UNC13C: variants seen among roughly 807,000 people sequenced by gnomAD.
The protein encoded by UNC13C is protein unc-13 homolog C.
A neutral mutation model predicts 245.4 loss-of-function variants in UNC13C; 174 were observed. The observed-to-expected ratio is 0.71, with a 90% CI of 0.63 to 0.80. The LOEUF is 0.80. Among genes scored for constraint, UNC13C ranks in the 30% least tolerant of loss-of-function variants. The pLI is 0.00. For missense variants in UNC13C, 2,829 were observed against 2,602.9 expected, an observed-to-expected ratio of 1.09 and a Z score of -1.89; for synonymous variants, 992 against 895.1, an observed-to-expected ratio of 1.11 and a Z score of -1.93.
At chr15:54,202,390 G>A (rs1319525509) in intron 4 of UNC13C, among the ~76,000 whole-genome samples, 2 of 151,858 alleles carry the variant, frequency 1.3e-5, no homozygotes, top group Non-Finnish European at 2.9e-5. Context: ...GAACAAATAT[G>A]GAGGCATCAC....
intron 2 of UNC13C, among the ~76,000 whole-genome samples, chr15:54,094,702 C>A (rs533780711): frequency 6.6e-6 from 1 of 152,090 alleles, no homozygotes; most frequent in Non-Finnish European, 1.5e-5. Flanking sequence ...TCAATTAAAG[C>A]GCTCACTCCT....
chr15:54,439,003 T>G (rs1890374352), intron 19 of UNC13C, among the ~76,000 whole-genome samples: 1 of 152,008 alleles, frequency 6.6e-6, no homozygotes, highest in Non-Finnish European at 1.5e-5. Context: ...CTTAAGTATC[T>G]GGTTCTCTTA....
the UNC13C span, among the ~76,000 whole-genome samples, chr15:53,965,343 A>T: frequency 6.6e-6 from 1 of 152,050 alleles, no homozygotes; most frequent in Non-Finnish European, 1.5e-5. Flanking sequence ...ACCCTTAAAC[A>T]TTTGAACTCT....
intron 19 of UNC13C, among the ~76,000 whole-genome samples, chr15:54,421,177 T>G (rs1194375459): frequency 6.6e-6 from 1 of 151,994 alleles, no homozygotes; most frequent in Non-Finnish European, 1.5e-5. Flanking sequence ...TGCAATTGAA[T>G]GGAAGAGCCA....
chr15:54,174,809 T>C lies in UNC13C; in HGVS notation c.3071+31125T>C, dbSNP rs193176328. ...CGTTTCCTTTTCCAGCTGTGAACAA[T>C]TTGGGTCATGTACTGATTAAAGCAG... On this transcript the variant is annotated intron_variant, in intron 4 of 32. Coordinates refer to ENST00000260323, the MANE Select transcript of UNC13C (RefSeq NM_001080534.3). Among the ~76,000 whole-genome samples, 736 of 152,326 alleles carry C rather than the reference T, an allele frequency of 4.8e-3. 4 individuals are homozygous for C. Among genetic ancestry groups the C allele is most frequent in the African/African-American group, 0.017 (714 of 41,578 alleles).
At chr15:54,245,066 G>A (rs922604622) in intron 7 of UNC13C, among the ~76,000 whole-genome samples, 4 of 152,092 alleles carry the variant, frequency 2.6e-5, no homozygotes, top group Admixed American at 1.3e-4. Flanking sequence ...TAAGAATGCA[G>A]TCTCCACCCC....
chr15:54,252,515 A>G (rs1402860712), intron 8 of UNC13C, among the ~76,000 whole-genome samples: 1 of 152,144 alleles, frequency 6.6e-6, no homozygotes, highest in African/African-American at 2.4e-5. Flanking sequence ...TGACACTCTC[A>G]TATTGATCAG....
chr15:54,291,076 G>A (rs928864374), intron 10 of UNC13C, among the ~76,000 whole-genome samples: 1 of 152,058 alleles, frequency 6.6e-6, no homozygotes, highest in East Asian at 1.9e-4. Flanking sequence ...TTTCTACTTA[G>A]ACTTTTCTTC....
intron 2 of UNC13C, among the ~76,000 whole-genome samples, chr15:54,067,052 T>G (rs527941141): frequency 9.2e-5 from 14 of 152,308 alleles, no homozygotes; most frequent in Admixed American, 2.0e-4. Context: ...CCCTGGCTCA[T>G]GCTGATATTT....
chr15:54,585,100 T>C (rs1004637262), intron 30 of UNC13C, among the ~76,000 whole-genome samples: 1 of 152,206 alleles, frequency 6.6e-6, no homozygotes, highest in South Asian at 2.1e-4. Flanking sequence ...ATTATTTGTG[T>C]GGATGCAGTA....
chr15:53,858,334 T>C, the UNC13C span, among the ~76,000 whole-genome samples: 1 of 152,162 alleles, frequency 6.6e-6, no homozygotes, highest in Non-Finnish European at 1.5e-5. Context: ...TATTTTGACA[T>C]GATATATAAT....
intron 29 of UNC13C, among the ~76,000 whole-genome samples, chr15:54,555,740 TC>T (rs1322559713): frequency 6.6e-5 from 10 of 152,190 alleles, no homozygotes; most frequent in African/African-American, 2.4e-4. Context: ...CCTGTCTATC[TC>T]CTTATGACAT....
chr15:54,547,741 G>T (rs981471459), intron 27 of UNC13C, among the ~76,000 whole-genome samples: 30 of 152,116 alleles, frequency 2.0e-4, no homozygotes, highest in African/African-American at 7.2e-4. Context: ...TTAATGCCAT[G>T]AATGTGTGCT....
rs1018843644 is a variant in UNC13C, at chr15:54,275,005, C to T, written c.3818+9509C>T. ...AATTTTAATATCAAAAATGATAAAT[C>T]CTATAAAGGGGGTAAAATAAACAAA... On this transcript the variant is annotated intron_variant, in intron 10 of 32. Coordinates refer to ENST00000260323, the MANE Select transcript of UNC13C (RefSeq NM_001080534.3). Among the ~76,000 whole-genome samples, 8 of 151,966 alleles carry T rather than the reference C, an allele frequency of 5.3e-5. No individual in the cohort carries two copies. The East Asian group carries it at 1.4e-3, about 26-fold the overall frequency.
chr15:53,860,078 T>A, the UNC13C span, among the ~76,000 whole-genome samples: 1 of 152,196 alleles, frequency 6.6e-6, no homozygotes, highest in African/African-American at 2.4e-5. Flanking sequence ...ACAGACCATC[T>A]TCTCTTTCTA....
intron 29 of UNC13C, among the ~76,000 whole-genome samples, chr15:54,563,427 G>T (rs1897375265): frequency 6.6e-6 from 1 of 151,970 alleles, no homozygotes; most frequent in Non-Finnish European, 1.5e-5. Flanking sequence ...AGGAGGAAAT[G>T]ACCTGTCCTA....
At chr15:54,488,987 A>G (rs1296568287) in intron 19 of UNC13C, among the ~76,000 whole-genome samples, 1 of 152,178 alleles carries the variant, frequency 6.6e-6, no homozygotes, top group Non-Finnish European at 1.5e-5. Context: ...GCAGAAGATA[A>G]TTTGAGTAGA....
chr15:54,147,639 GTTTACCTTTCCC>G (rs2032324269), intron 4 of UNC13C, among the ~76,000 whole-genome samples: 1 of 152,036 alleles, frequency 6.6e-6, no homozygotes, highest in South Asian at 2.1e-4. Context: ...TATGACTTAA[GTTTACCTTTCCC>G]TTGACATTTG....
At chr15:54,543,270 C>A (rs1015066886) in intron 26 of UNC13C, among the ~76,000 whole-genome samples, 1 of 152,054 alleles carries the variant, frequency 6.6e-6, no homozygotes, top group African/African-American at 2.4e-5. Context: ...ACACAACATA[C>A]CAGAATCTCT....
Sources: allele counts gnomAD v4.1 joint callset (sites outside exome capture counted in the v4.1 genomes callset), GRCh38; gene constraint gnomAD v4.1.1; transcripts MANE v1.5; gene names NCBI Gene and HGNC (gene_info 2026-07-23, HGNC 2026-07-21).